Variants in POLR3H observed in about 807,000 individuals in gnomAD.
POLR3H encodes the protein DNA-directed RNA polymerase III subunit RPC8.
Under a neutral mutation model 25.5 loss-of-function variants are expected in POLR3H, and 17 were observed. The observed-to-expected ratio is 0.67, with a 90% confidence interval of 0.46 to 1.00. The LOEUF is 1.00. POLR3H is among the 50% of genes least tolerant of loss of function. POLR3H has a pLI of 0.00. For missense variants in POLR3H, 274 were observed against 265.0 expected (o/e 1.03, Z -0.24); for synonymous variants, 129 against 103.0 (o/e 1.25, Z -1.53).
chr22:41,541,818 C>T (rs2066933775), intron 1 of POLR3H, among the ~76,000 whole-genome samples: 1 of 152,208 alleles, frequency 6.6e-6, no homozygotes, highest in African/African-American at 2.4e-5. Context: ...TTAAAGACTC[C>T]ATGAGTTCCC....
rs574977573 is a variant in POLR3H at position 41,530,044 on chromosome 22, T to C, written c.561+643A>G. 8.1e-4 allele frequency among the ~76,000 whole-genome samples: 123 copies of C among 152,032 alleles called. 2 individuals carry two copies. The highest frequency in any genetic ancestry group is 2.0e-3 in the Admixed American group (30 of 15,270). On this transcript the variant is annotated intron_variant, in intron 5 of 5. Transcript: ENST00000355209. ...TGCTGGGATTACAGGCGTGAGCCAC[T>C]GTGCCCCAGCAGCCCTACCCTTAAT...
In POLR3H at chr22:41,529,272, C is replaced by T; in HGVS notation, c.*11G>A. 6.2e-7 allele frequency: 1 copy of T among 1,612,118 alleles called. No individual in the cohort carries two copies. The highest frequency in any genetic ancestry group is 8.5e-7 in the Non-Finnish European group (1 of 1,179,058). The stretch of plus-strand genomic sequence containing the variant: ...CCGCAGGCTGGTAGGGTCCACTGTC[C>T]AGCCCCAGGGCTAGTTGCTGGTCCA... On this transcript the variant is annotated 3_prime_UTR_variant, in exon 6 of 6. Coordinates refer to ENST00000355209, the MANE Select transcript of POLR3H (RefSeq NM_001018050.4).
rs1211764560 is a variant in POLR3H at position 41,544,221 on chromosome 22, TGAGGTTG to T, written c.-127_-121del. ...GTCGCTGAGGCCCCCAGGCTGGCGG[TGAGGTTG>T]CACGGGGCGGTCTCGGGGGCCCGGT... On this transcript the variant is annotated 5_prime_UTR_variant, in exon 1 of 6. It removes the in-frame stop codon of an upstream open reading frame in the 5' UTR. Transcript: ENST00000355209. 1.6e-6 allele frequency: 1 copy of T among 623,758 alleles called. No individual in the cohort carries two copies. Among genetic ancestry groups the T allele is most frequent in the Non-Finnish European group, 2.8e-6 (1 of 353,248 alleles). The allele number at this position is 623,758 out of a possible 1,614,324, so 38.6% of individuals were successfully genotyped here. A position where few individuals can be genotyped will look rare whatever the true frequency, so the allele number is the denominator to read the frequency against.
chr22:41,528,645 C>A lies in POLR3H; in HGVS notation c.*638G>T. ...TGCCTCCCCGCCCCGCCGCTGGCGT[C>A]AAGTTCAGCTCCACGTGTGCCATCA... On this transcript the variant is annotated 3_prime_UTR_variant, in exon 6 of 6. Coordinates refer to ENST00000355209, the MANE Select transcript of POLR3H (RefSeq NM_001018050.4). 1 of 1,607,256 alleles carries A rather than the reference C, an allele frequency of 6.2e-7. No homozygotes were observed. The highest frequency in any genetic ancestry group is 1.3e-5 in the African/African-American group (1 of 74,994).
chr22:41,530,077 CT>C (rs1004354565), intron 5 of POLR3H, among the ~76,000 whole-genome samples: 8 of 152,054 alleles, frequency 5.3e-5, no homozygotes, highest in African/African-American at 1.7e-4. Flanking sequence ...AATCTCAGGG[CT>C]TTGATCTCTC....
At chr22:41,542,298 G>A (rs2066941601) in intron 1 of POLR3H, among the ~76,000 whole-genome samples, 1 of 152,034 alleles carries the variant, frequency 6.6e-6, no homozygotes. Context: ...TGGACAGGCT[G>A]GTCTCAAACT....
In POLR3H at chr22:41,540,686, A is replaced by G. The variant is rs2066914222; in HGVS notation, c.208+13T>C. 6.2e-7 allele frequency: 1 copy of G among 1,602,914 alleles called. No individual in the cohort carries two copies. Among genetic ancestry groups the G allele is most frequent in the Admixed American group, 1.7e-5 (1 of 60,004 alleles). ...CCAAGAAGCCCAATGCCCCAGGGAC[A>G]GAAGATACCCACCTTTGGTGTGTGA... On this transcript the variant is annotated intron_variant, in intron 2 of 5. Coordinates refer to ENST00000355209, the MANE Select transcript of POLR3H (RefSeq NM_001018050.4).
rs1312027031 is a variant in POLR3H, at chr22:41,532,682, C to A, written c.272G>T (p.Gly91Val). The A allele has an allele frequency of 1.2e-6, 2 of 1,614,064 alleles. No homozygotes were observed. The highest frequency in any genetic ancestry group is 1.3e-5 in the African/African-American group (1 of 75,038). Reference protein sequence around the residue: ...LDEILIGKIKGCSPEGVHVSL... With the variant: ...LDEILIGKIKVCSPEGVHVSL... ...ACCGTGCACTCCTTCTGGGCTGCAG[C>A]CTTTGATCTTCCCAATGAGAATCTC... The change falls in exon 3 of 6, where the codon GGC becomes GTC. Residue 91 changes from glycine (G) to valine (V), a missense_variant. Coordinates refer to ENST00000355209, the MANE Select transcript of POLR3H (RefSeq NM_001018050.4).
At chr22:41,532,014 G>T in intron 4 of POLR3H, 80 bp downstream of exon 4, 1 of 1,340,872 alleles carries the variant, frequency 7.5e-7, no homozygotes, top group Non-Finnish European at 1.1e-6. Context: ...AGGCCCCAAA[G>T]GCCACCCTAA....
rs377162479 is a variant in POLR3H, at chr22:41,527,489, G to A, written c.*1794C>T. ...GTGATCAAGGTCACTCTCCCTGCCCGTGGCTGAGTTGGGCCTGGTTCTAGG... is the reference window on the plus strand; with the variant it reads ...GTGATCAAGGTCACTCTCCCTGCCCATGGCTGAGTTGGGCCTGGTTCTAGG... On this transcript the variant is annotated 3_prime_UTR_variant, in exon 6 of 6. Transcript: ENST00000355209. 3.5e-4 allele frequency: 547 copies of A among 1,542,498 alleles called. 3 individuals are homozygous for A. The East Asian group carries it at 9.5e-3, about 27-fold the overall frequency.
intron 1 of POLR3H, among the ~76,000 whole-genome samples, chr22:41,541,445 G>C (rs2066927923): frequency 6.6e-6 from 1 of 152,188 alleles, no homozygotes; most frequent in African/African-American, 2.4e-5. Flanking sequence ...CACCACTGTG[G>C]TTCAAACGAC....
In POLR3H at chr22:41,544,224, G is replaced by A. The variant is rs899061791; in HGVS notation, c.-123C>T. ...GCTGAGGCCCCCAGGCTGGCGGTGAGGTTGCACGGGGCGGTCTCGGGGGCC... is the reference window on the plus strand; with the variant it reads ...GCTGAGGCCCCCAGGCTGGCGGTGAAGTTGCACGGGGCGGTCTCGGGGGCC... On this transcript the variant is annotated 5_prime_UTR_variant, in exon 1 of 6. Coordinates refer to ENST00000355209, the MANE Select transcript of POLR3H (RefSeq NM_001018050.4). 24 of 623,910 alleles carry A rather than the reference G, an allele frequency of 3.8e-5. No individual in the cohort carries two copies. Among genetic ancestry groups the A allele is most frequent in the Middle Eastern group, 8.6e-4 (2 of 2,330 alleles). 38.6% of individuals were successfully genotyped at this position (623,910 alleles called of 1,614,324 possible).
chr22:41,534,997 T>G (rs1441822390), intron 2 of POLR3H, among the ~76,000 whole-genome samples: 2 of 152,104 alleles, frequency 1.3e-5, no homozygotes, highest in African/African-American at 4.8e-5. Context: ...CCTGCTCATA[T>G]CTGCCTACTT....
chr22:41,529,333 A>G lies in POLR3H; in HGVS notation c.565T>C (p.Ser189Pro), dbSNP rs765410034. The G allele has an allele frequency of 1.2e-6, 2 of 1,613,566 alleles. No homozygotes were observed. The highest frequency in any genetic ancestry group is 8.5e-7 in the Non-Finnish European group (1 of 1,179,834). The change falls in exon 6 of 6, where the codon TCC becomes CCC. Residue 189 changes from serine (S) to proline (P), a missense_variant. Coordinates refer to ENST00000355209, the MANE Select transcript of POLR3H (RefSeq NM_001018050.4). ...AGGCCCAGGCCTGGCTCACTGATGG[A>G]TCCCTGCCAGGGATAAAGAACACGC... Reference protein sequence around the residue: ...KKEAPYTLVGSISEPGLGLLS... With the variant: ...KKEAPYTLVGPISEPGLGLLS...
In POLR3H at chr22:41,544,134, G is replaced by C. The variant is rs1368805045; in HGVS notation, c.-33C>G. ...TGCGCTGGGGGCTCTGGGAACAGGA[G>C]GGTCAGTCACGCACCAGGGCCGGGG... On this transcript the variant is annotated 5_prime_UTR_variant, in exon 1 of 6. Transcript: ENST00000355209. 15 of 1,428,072 alleles carry C rather than the reference G, an allele frequency of 1.1e-5. No individual in the cohort carries two copies. The highest frequency in any genetic ancestry group is 1.5e-5 in the Non-Finnish European group (15 of 1,015,112). 88.5% of individuals were successfully genotyped at this position (1,428,072 alleles called of 1,614,324 possible).
chr22:41,537,300 C>T (rs1415862982), intron 2 of POLR3H, among the ~76,000 whole-genome samples: 1 of 152,208 alleles, frequency 6.6e-6, no homozygotes, highest in Non-Finnish European at 1.5e-5. Context: ...ACTGTGTGCA[C>T]AGATAGGGAA....
chr22:41,540,837 CAG>C (rs753944316), intron 1 of POLR3H, 42 bp from the exon 2 acceptor site: 11 of 1,482,842 alleles, frequency 7.4e-6, no homozygotes, highest in African/African-American at 1.4e-5. Flanking sequence ...CACATGGATA[CAG>C]AGTGACCACA....
intron 2 of POLR3H, among the ~76,000 whole-genome samples, chr22:41,533,911 G>A (rs1434050530): frequency 2.6e-5 from 4 of 152,142 alleles, no homozygotes; most frequent in East Asian, 1.9e-4. Flanking sequence ...GGCCGAGGTG[G>A]GCAGATCACC....
rs1339763054 is a variant in POLR3H at position 41,540,758 on chromosome 22, T to C, written c.149A>G (p.Asp50Gly). The change falls in exon 2 of 6, where the codon GAT becomes GGT. Residue 50 changes from aspartate (D) to glycine (G), a missense_variant. Transcript: ENST00000355209. Reference sequence around the variant, plus strand: ...ATAGGCATCCTCCAGTTTGGTGATATCAAACAGACAAATGCAGAGTCCCAC... The same window carrying C: ...ATAGGCATCCTCCAGTTTGGTGATACCAAACAGACAAATGCAGAGTCCCAC... ...YNVGLCICLF[D>G]ITKLEDAYVF... 14 of 1,613,990 alleles carry C rather than the reference T, an allele frequency of 8.7e-6. No homozygotes were observed. Among genetic ancestry groups the C allele is most frequent in the Admixed American group, 8.3e-5 (5 of 59,994 alleles).
Sources: gnomAD v4.1 joint callset for allele counts (sites outside exome capture counted in the v4.1 genomes callset) on GRCh38, gnomAD v4.1.1 for gene constraint, MANE v1.5 for transcripts, NCBI Gene and HGNC (gene_info 2026-07-23, HGNC 2026-07-21) for gene names.